TLL2: variants seen among roughly 807,000 people sequenced by gnomAD.
TLL2 encodes the protein tolloid like 2, also known as tolloid-like protein 2.
A neutral mutation model predicts 123.0 loss-of-function variants in TLL2; 106 were observed. The ratio of observed to expected loss-of-function variants is 0.86; its 90% confidence interval spans 0.74 to 1.01. TLL2 has a LOEUF of 1.01. Among genes scored for constraint, TLL2 ranks in the 50% least tolerant of loss-of-function variants. TLL2 has a pLI of 0.00. For synonymous variants in TLL2, 494 were observed against 516.8 expected (o/e 0.96, Z 0.60); for missense variants, 1,332 against 1,336.7 (o/e 1.00, Z 0.06).
chr10:96,417,973 A>G (rs1484806142), intron 7 of TLL2, among the ~76,000 whole-genome samples: 1 of 152,222 alleles, frequency 6.6e-6, no homozygotes. Context: ...ATGTAACACT[A>G]GCAGGAGGGG....
chr10:96,460,530 T>G (rs1017060620), intron 2 of TLL2, among the ~76,000 whole-genome samples: 3 of 152,148 alleles, frequency 2.0e-5, no homozygotes, highest in Non-Finnish European at 1.5e-5. Flanking sequence ...GATTGGATCA[T>G]GGGGGCAGAC....
chr10:96,450,684 G>T (rs777920419), intron 2 of TLL2, among the ~76,000 whole-genome samples: 3 of 152,098 alleles, frequency 2.0e-5, no homozygotes, highest in Non-Finnish European at 4.4e-5. Context: ...ATAAAAACTG[G>T]CAAATGAGTA....
At chr10:96,436,920 A>C (rs1249397184) in intron 3 of TLL2, among the ~76,000 whole-genome samples, 1 of 152,156 alleles carries the variant, frequency 6.6e-6, no homozygotes, top group Non-Finnish European at 1.5e-5. Flanking sequence ...TCCTGAGCTA[A>C]AGCGATCTGC....
At chr10:96,450,432 T>C (rs1168656869) in intron 2 of TLL2, among the ~76,000 whole-genome samples, 1 of 152,186 alleles carries the variant, frequency 6.6e-6, no homozygotes, top group Non-Finnish European at 1.5e-5. Context: ...GTCTGGGGCA[T>C]GGCCTGGGAA....
At chr10:96,462,256 G>A (rs1847087760) in intron 2 of TLL2, among the ~76,000 whole-genome samples, 2 of 152,190 alleles carry the variant, frequency 1.3e-5, no homozygotes, top group Admixed American at 6.5e-5. Context: ...CCAGCCCTTT[G>A]CCTCATTGTT....
At chr10:96,493,214 C>G (rs1452043187) in intron 1 of TLL2, among the ~76,000 whole-genome samples, 2 of 152,154 alleles carry the variant, frequency 1.3e-5, no homozygotes, top group Non-Finnish European at 2.9e-5. Flanking sequence ...GCAACTTCCT[C>G]CAGGCCCCCT....
In TLL2 at chr10:96,366,182, G is replaced by A. The variant is rs141018159; in HGVS notation, c.*1906C>T. 3.3e-5 allele frequency: 5 copies of A among 152,562 alleles called. No homozygotes were observed. In the East Asian group the frequency reaches 9.6e-4, roughly 29 times the overall value. 9.5% of individuals were successfully genotyped at this position (152,562 alleles called of 1,614,324 possible). Reference sequence around the variant, plus strand: ...AGATAAATGGAATCTACCCTAACAGGCAGGTGGGATTGGAGCCATGAGGTC... The same window carrying A: ...AGATAAATGGAATCTACCCTAACAGACAGGTGGGATTGGAGCCATGAGGTC... On this transcript the variant is annotated 3_prime_UTR_variant, in exon 21 of 21. Transcript: ENST00000357947.
chr10:96,422,416 A>T (rs1846633758), intron 6 of TLL2, 133 bp downstream of exon 6: 2 of 1,098,434 alleles, frequency 1.8e-6, no homozygotes, highest in Non-Finnish European at 2.6e-6. Context: ...GGCCTGTACA[A>T]CAGAGTCATT....
chr10:96,397,765 C>T (rs1192115999), intron 10 of TLL2, among the ~76,000 whole-genome samples: 1 of 152,138 alleles, frequency 6.6e-6, no homozygotes, highest in Non-Finnish European at 1.5e-5. Context: ...ACCATCTTGG[C>T]GTTTACATTT....
chr10:96,369,962 A>C, intron 20 of TLL2, 103 bp downstream of exon 20: 2 of 1,449,266 alleles, frequency 1.4e-6, no homozygotes, highest in Non-Finnish European at 9.1e-7. Flanking sequence ...GTTGCTCCTA[A>C]GTGGAGTAGG....
intron 16 of TLL2, among the ~76,000 whole-genome samples, chr10:96,379,943 C>T (rs78640851): frequency 0.014 from 2,065 of 152,360 alleles, 21 homozygotes; most frequent in Non-Finnish European, 0.022. Flanking sequence ...GACTCCACCC[C>T]GCCCTCTGCA....
At position 96,422,714 on chromosome 10, in the gene TLL2, C is replaced by T. The variant is rs1265867222; in HGVS notation, c.652G>A (p.Val218Ile). 1 of 1,614,218 alleles carries T rather than the reference C, an allele frequency of 6.2e-7. No homozygotes were observed. The highest frequency in any genetic ancestry group is 1.7e-5 in the Admixed American group (1 of 60,036). ...TGTGGGCCTCCTCCTCGGCGCCCAA[C>T]ATAGGAGCAACAGCTGGACAATTGC... The part of the protein sequence containing the change: ...SYRTCGCCSY[V>I]GRRGGGPQAI... The change falls in exon 6 of 21, where the codon GTT becomes ATT. Residue 218 changes from valine to isoleucine, a missense_variant. Transcript: ENST00000357947.
At chr10:96,461,567 C>T (rs539281612) in intron 2 of TLL2, among the ~76,000 whole-genome samples, 2 of 152,346 alleles carry the variant, frequency 1.3e-5, no homozygotes, top group African/African-American at 4.8e-5. Context: ...TCTACACTTC[C>T]TGTGCTGCTC....
chr10:96,457,905 T>G (rs11188765), intron 2 of TLL2, among the ~76,000 whole-genome samples: 56,335 of 152,082 alleles, frequency 0.37, 10,775 homozygotes, highest in Middle Eastern at 0.51. Context: ...CCACTAAACA[T>G]CATCGGCAAT....
chr10:96,484,136 G>A (rs772001052), intron 1 of TLL2, among the ~76,000 whole-genome samples: 18 of 152,246 alleles, frequency 1.2e-4, no homozygotes, highest in Admixed American at 7.2e-4. Flanking sequence ...GAGCCACTTC[G>A]CCTGGCCCAC....
intron 2 of TLL2, among the ~76,000 whole-genome samples, chr10:96,462,567 A>G (rs1352873293): frequency 6.6e-6 from 1 of 152,212 alleles, no homozygotes; most frequent in Non-Finnish European, 1.5e-5. Context: ...TGTCTACTAT[A>G]TACTGCACAA....
At chr10:96,513,183 G>A (rs1452852692) in intron 1 of TLL2, among the ~76,000 whole-genome samples, 1 of 152,134 alleles carries the variant, frequency 6.6e-6, no homozygotes. Flanking sequence ...GTCTGGCGGT[G>A]GCCAGTGCTG....
chr10:96,418,521 T>C (rs1846587450), intron 7 of TLL2, among the ~76,000 whole-genome samples: 1 of 152,162 alleles, frequency 6.6e-6, no homozygotes, highest in African/African-American at 2.4e-5. Flanking sequence ...CTGGCCCCTT[T>C]GAACTCATTC....
At chr10:96,393,290 T>C (rs930223403) in intron 13 of TLL2, among the ~76,000 whole-genome samples, 8 of 152,240 alleles carry the variant, frequency 5.3e-5, no homozygotes, top group East Asian at 1.9e-4. Context: ...TCCATCACAA[T>C]AGCCAGAAGA....
Sources: gnomAD v4.1 joint callset for allele counts (sites outside exome capture counted in the v4.1 genomes callset) on GRCh38, gnomAD v4.1.1 for gene constraint, MANE v1.5 for transcripts, NCBI Gene and HGNC (gene_info 2026-07-23, HGNC 2026-07-21) for gene names.